NAALADL2: variants seen among roughly 807,000 people sequenced by gnomAD.
The protein encoded by NAALADL2 is N-acetylated alpha-linked acidic dipeptidase like 2, also known as inactive N-acetylated-alpha-linked acidic dipeptidase-like protein 2.
A neutral mutation model predicts 87.2 loss-of-function variants in NAALADL2; 76 were observed. That is an observed-to-expected ratio of 0.87 (90% confidence interval 0.72 to 1.05). The LOEUF is 1.05. NAALADL2 is among the 50% of genes least tolerant of loss of function. NAALADL2 has a pLI of 0.00. For synonymous variants in NAALADL2, 354 were observed against 331.0 expected, an observed-to-expected ratio of 1.07 and a Z score of -0.75; for missense variants, 1,089 against 945.8, an observed-to-expected ratio of 1.15 and a Z score of -1.99.
intron 2 of NAALADL2, among the ~76,000 whole-genome samples, chr3:174,593,973 T>G (rs766161033): frequency 6.6e-6 from 1 of 152,196 alleles, no homozygotes; most frequent in African/African-American, 2.4e-5. Context: ...TGTGGTTTAT[T>G]AAATAGTTTA....
At chr3:175,416,600 T>C (rs1392596937) in intron 5 of NAALADL2, among the ~76,000 whole-genome samples, 1 of 152,126 alleles carries the variant, frequency 6.6e-6, no homozygotes, top group Non-Finnish European at 1.5e-5. Context: ...CTTTTTTACT[T>C]TGGAGAAGAA....
intron 2 of NAALADL2, among the ~76,000 whole-genome samples, chr3:174,696,606 A>AGC: frequency 6.7e-6 from 1 of 150,148 alleles, no homozygotes; most frequent in South Asian, 2.1e-4. Context: ...AAAAAAAAAA[A>AGC]AAAAAAAAAA....
rs60928688 is a variant in NAALADL2 at position 175,633,508 on chromosome 3, A to T, written c.1896+6122A>T. On this transcript the variant is annotated intron_variant, in intron 11 of 13. Transcript: ENST00000454872. Reference sequence around the variant, plus strand: ...GTGAATATAGGGCACTTGGAGTGCCAGAAGAAGTTCTATTTATTATATTAT... The same window carrying T: ...GTGAATATAGGGCACTTGGAGTGCCTGAAGAAGTTCTATTTATTATATTAT... Among the ~76,000 whole-genome samples, 415 of 152,150 alleles carry T rather than the reference A, an allele frequency of 2.7e-3. 2 individuals carry two copies. The highest frequency in any genetic ancestry group is 9.3e-3 in the African/African-American group (385 of 41,566).
chr3:174,444,626 C>T (rs920955520), intron 1 of NAALADL2, among the ~76,000 whole-genome samples: 1 of 152,132 alleles, frequency 6.6e-6, no homozygotes, highest in African/African-American at 2.4e-5. Context: ...AAGTTAGCAA[C>T]ATTGAGTCTC....
At chr3:175,658,981 A>T (rs1226337199) in intron 11 of NAALADL2, among the ~76,000 whole-genome samples, 1 of 152,140 alleles carries the variant, frequency 6.6e-6, no homozygotes. Context: ...CTGCATTTAC[A>T]TGCTAAGGCT....
chr3:175,317,174 T>C (rs1340114554), intron 4 of NAALADL2, among the ~76,000 whole-genome samples: 1 of 152,152 alleles, frequency 6.6e-6, no homozygotes, highest in Non-Finnish European at 1.5e-5. Flanking sequence ...GGTCACAACA[T>C]GTTACCAAAT....
chr3:174,555,553 GC>G (rs1712684093), intron 2 of NAALADL2, among the ~76,000 whole-genome samples: 1 of 152,132 alleles, frequency 6.6e-6, no homozygotes, highest in Non-Finnish European at 1.5e-5. Context: ...GCCGGCCTTG[GC>G]CTCCCAAAGT....
In NAALADL2 at chr3:175,180,735, T is replaced by C. The variant is rs1736345426; in HGVS notation, c.546-53196T>C. Among the ~76,000 whole-genome samples the C allele has an allele frequency of 1.3e-5, 2 of 150,974 alleles. 1 individual carries two copies. The highest frequency in any genetic ancestry group is 1.3e-4 in the Admixed American group (2 of 15,042). The stretch of plus-strand genomic sequence containing the variant: ...TAGTTATTTTAAATATAATGTATAA[T>C]ATAATAATTATCAATATTATTATTA... On this transcript the variant is annotated intron_variant, in intron 2 of 13. Coordinates refer to ENST00000454872, the MANE Select transcript of NAALADL2 (RefSeq NM_207015.3).
At chr3:174,813,176 T>G (rs931932501) in intron 3 of NAALADL2, among the ~76,000 whole-genome samples, 2 of 152,130 alleles carry the variant, frequency 1.3e-5, no homozygotes, top group African/African-American at 4.8e-5. Flanking sequence ...TCTTTTCCAG[T>G]GGTATTCAAT....
intron 1 of NAALADL2, among the ~76,000 whole-genome samples, chr3:174,952,114 A>G (rs1296433515): frequency 2.0e-5 from 3 of 152,148 alleles, no homozygotes. Flanking sequence ...CATCTTTGGT[A>G]CAACTAAATC....
intron 3 of NAALADL2, among the ~76,000 whole-genome samples, chr3:174,766,895 T>C (rs1466030424): frequency 6.6e-6 from 1 of 152,214 alleles, no homozygotes; most frequent in Non-Finnish European, 1.5e-5. Flanking sequence ...TTCTTTACTA[T>C]CTGCGGATCT....
intron 11 of NAALADL2, among the ~76,000 whole-genome samples, chr3:175,670,330 T>A (rs769460449): frequency 2.0e-5 from 3 of 150,670 alleles, no homozygotes; most frequent in African/African-American, 4.9e-5. Context: ...AGTTTAAGAA[T>A]AATTAAACTT....
At chr3:175,421,730 A>T (rs1172304481) in intron 5 of NAALADL2, among the ~76,000 whole-genome samples, 1 of 152,082 alleles carries the variant, frequency 6.6e-6, no homozygotes, top group Non-Finnish European at 1.5e-5. Context: ...GGATCATGAT[A>T]AATACTATGA....
intron 10 of NAALADL2, among the ~76,000 whole-genome samples, chr3:175,580,282 A>G (rs1719564516): frequency 6.6e-6 from 1 of 152,078 alleles, no homozygotes; most frequent in African/African-American, 2.4e-5. Context: ...AGGTAATTCT[A>G]TGAGATAAAA....
At chr3:175,780,061 G>T (rs1042499016) in intron 13 of NAALADL2, among the ~76,000 whole-genome samples, 4 of 151,582 alleles carry the variant, frequency 2.6e-5, no homozygotes, top group African/African-American at 7.3e-5. Context: ...GAGGTCAGTA[G>T]ATCGAGACCA....
rs78890559 is a variant in NAALADL2, at chr3:174,679,736, G to A, written c.-114-57905G>A. Among the ~76,000 whole-genome samples, 3 of 152,190 alleles carry A rather than the reference G, an allele frequency of 2.0e-5. No homozygotes were observed. In the East Asian group the frequency reaches 5.8e-4, roughly 29 times the overall value. ...ACAAAACTTTTTCTAAATAGCTGCT[G>A]TATTAAGGAGGAATTTGGAATAATT... On this transcript the variant is annotated intron_variant, in intron 2 of 3. Transcript: ENST00000434257.
At chr3:175,640,084 A>T (rs1729088204) in intron 11 of NAALADL2, among the ~76,000 whole-genome samples, 1 of 152,226 alleles carries the variant, frequency 6.6e-6, no homozygotes, top group Non-Finnish European at 1.5e-5. Flanking sequence ...ACTTTAATAA[A>T]TAATAAAAGT....
chr3:175,411,529 T>C (rs1203549699), intron 5 of NAALADL2, among the ~76,000 whole-genome samples: 1 of 151,956 alleles, frequency 6.6e-6, no homozygotes, highest in African/African-American at 2.4e-5. Flanking sequence ...AGACACAGAA[T>C]TGGGAGACCT....
intron 1 of NAALADL2, among the ~76,000 whole-genome samples, chr3:174,898,480 G>A (rs890444422): frequency 6.6e-6 from 1 of 151,978 alleles, no homozygotes; most frequent in African/African-American, 2.4e-5. Flanking sequence ...TTAATGGTAT[G>A]TTTTAAAATA....
Sources: allele counts gnomAD v4.1 joint callset (sites outside exome capture counted in the v4.1 genomes callset), GRCh38; gene constraint gnomAD v4.1.1; transcripts MANE v1.5; gene names NCBI Gene and HGNC (gene_info 2026-07-23, HGNC 2026-07-21).